DDX46: variants seen among roughly 807,000 people sequenced by gnomAD.
DDX46 encodes probable ATP-dependent RNA helicase DDX46.
In DDX46, 30 loss-of-function variants were observed where a neutral mutation model predicts 134.9. The observed-to-expected ratio is 0.22, with a 90% CI of 0.17 to 0.30. DDX46 has a LOEUF of 0.30. Ranked by LOEUF, DDX46 falls within the 10% of genes least tolerant of loss-of-function variation. DDX46 has a pLI of 1.00. For missense variants in DDX46, 622 were observed against 1,248.7 expected (o/e 0.50, Z 7.56); for synonymous variants, 415 against 404.1 (o/e 1.03, Z -0.32).
chr5:134,787,085 G>A (rs1754361204), intron 11 of DDX46, among the ~76,000 whole-genome samples: 1 of 151,912 alleles, frequency 6.6e-6, no homozygotes, highest in African/African-American at 2.4e-5. Flanking sequence ...ACCACACCCG[G>A]CTAGTTTTTG....
Position 134,767,001 on chromosome 5 carries a change from C to G in DDX46, c.291C>G (p.Ser97Arg). The G allele has an allele frequency of 6.2e-7, 1 of 1,614,060 alleles. No homozygotes were observed. Among genetic ancestry groups the G allele is most frequent in the Non-Finnish European group, 8.5e-7 (1 of 1,179,990 alleles). Residue 97 changes from serine (S) to arginine (R), a missense_variant, in exon 3 of 23, where the codon AGC (serine) becomes AGG (arginine). Ser to Arg is a moderately radical substitution (Grantham distance 110, BLOSUM62 -1). Coordinates refer to ENST00000452510, the MANE Select transcript of DDX46 (RefSeq NM_001300860.2). ...SRDRRRSRSR[S>R]RGRRSRSSSP... is the part of the protein sequence containing the mutation. Reference sequence around the variant, plus strand: ...ACAGGAGACGCTCAAGGAGTAGAAGCCGGGGCCGGCGATCCCGATCCTCCA... The same window carrying G: ...ACAGGAGACGCTCAAGGAGTAGAAGGCGGGGCCGGCGATCCCGATCCTCCA...
rs1239991008 is a variant in DDX46, at chr5:134,795,845, A to G, written c.1792-143A>G. 11 of 787,092 alleles carry G rather than the reference A, an allele frequency of 1.4e-5. 1 individual carries two copies. The highest frequency in any genetic ancestry group is 1.9e-5 in the Non-Finnish European group (10 of 516,212). The allele number at this position is 787,092 out of a possible 1,614,324, so 48.8% of individuals were successfully genotyped here. A position where few individuals can be genotyped will look rare whatever the true frequency, so the allele number is the denominator to read the frequency against. The stretch of plus-strand genomic sequence containing the variant: ...AAGTTTACAATTTTTATCATTTACA[A>G]TTAAAATCAACATCTTCCTAGCCCT... On this transcript the variant is annotated intron_variant, in intron 14 of 22. Transcript: ENST00000452510.
At chr5:134,783,338 C>T (rs972941791) in intron 9 of DDX46, among the ~76,000 whole-genome samples, 1 of 150,538 alleles carries the variant, frequency 6.6e-6, no homozygotes, top group Admixed American at 6.6e-5. Flanking sequence ...ACTGTGACCT[C>T]GGCCTCCCGG....
chr5:134,809,649 A>G (rs181101533), intron 16 of DDX46, among the ~76,000 whole-genome samples: 74 of 152,038 alleles, frequency 4.9e-4, no homozygotes, highest in African/African-American at 1.4e-3. Flanking sequence ...TACTGGGATT[A>G]CAGGCATGAG....
intron 15 of DDX46, among the ~76,000 whole-genome samples, chr5:134,796,564 A>C (rs899938716): frequency 2.6e-5 from 4 of 152,230 alleles, no homozygotes; most frequent in African/African-American, 9.6e-5. Context: ...CTAGAACACA[A>C]AACACAGACC....
chr5:134,823,360 C>G (rs745643488), intron 21 of DDX46, among the ~76,000 whole-genome samples: 2 of 151,674 alleles, frequency 1.3e-5, no homozygotes, highest in Admixed American at 1.3e-4. Flanking sequence ...AGGATGGTCT[C>G]GATCTCCTGA....
intron 1 of DDX46, among the ~76,000 whole-genome samples, chr5:134,759,619 T>C (rs1035310567): frequency 1.3e-5 from 2 of 152,196 alleles, no homozygotes; most frequent in African/African-American, 4.8e-5. Context: ...AACCTTGAGA[T>C]TTTTATGTTA....
At chr5:134,766,323 T>C (rs1455211230) in intron 2 of DDX46, among the ~76,000 whole-genome samples, 1 of 152,126 alleles carries the variant, frequency 6.6e-6, no homozygotes, top group Admixed American at 6.6e-5. Flanking sequence ...TTTGGGAGGC[T>C]GAGGCAGGCA....
Position 134,828,700 on chromosome 5 carries a change from CT to C in DDX46, c.3095del (p.Leu1032TyrfsTer30). 1 of 1,511,278 alleles carries C rather than the reference CT, an allele frequency of 6.6e-7. No homozygotes were observed. Among genetic ancestry groups the C allele is most frequent in the Non-Finnish European group, 8.8e-7 (1 of 1,134,420 alleles). 93.6% of individuals were successfully genotyped at this position (1,511,278 alleles called of 1,614,324 possible). ...QPTNKGRYKVL is the reference protein window; with the variant it reads ...QPTNKGRYKVX Reference sequence around the variant, plus strand: ...CAACAAATAAAGGAAGATACAAAGTCTTATAGACATCCGGAAAAAAGATTTT... The same window carrying C: ...CAACAAATAAAGGAAGATACAAAGTCTATAGACATCCGGAAAAAAGATTTT... On this transcript the variant is annotated frameshift_variant, in exon 23 of 23. Transcript: ENST00000452510. LOFTEE classifies it high-confidence loss of function.
At chr5:134,800,593 G>A (rs1045360604) in intron 15 of DDX46, among the ~76,000 whole-genome samples, 1 of 152,044 alleles carries the variant, frequency 6.6e-6, no homozygotes, top group African/African-American at 2.4e-5. Flanking sequence ...CTCCCTCATC[G>A]TGTCCCTATA....
At chr5:134,770,384 G>C (rs1275370217) in intron 3 of DDX46, among the ~76,000 whole-genome samples, 3 of 151,872 alleles carry the variant, frequency 2.0e-5, no homozygotes, top group African/African-American at 7.3e-5. Context: ...CTAATTCTTA[G>C]TATATTTTGG....
chr5:134,777,881 A>G (rs1753996649), intron 6 of DDX46, 156 bp downstream of exon 6: 4 of 787,862 alleles, frequency 5.1e-6, no homozygotes, highest in African/African-American at 3.6e-5. Context: ...TACCAGAGAT[A>G]CTGGTAAATT....
chr5:134,819,420 A>G (rs1300437960), intron 21 of DDX46, among the ~76,000 whole-genome samples: 1 of 152,216 alleles, frequency 6.6e-6, no homozygotes, highest in Admixed American at 6.5e-5. Flanking sequence ...CAAAATAAGA[A>G]GTAGACAATG....
intron 20 of DDX46, 105 bp downstream of exon 20, chr5:134,817,819 C>G (rs1294561984): frequency 3.3e-6 from 3 of 899,022 alleles, no homozygotes; most frequent in African/African-American, 3.4e-5. Context: ...CTCCTTCACT[C>G]TTTACCTAAA....
At chr5:134,776,871 G>A (rs1017555947) in intron 5 of DDX46, among the ~76,000 whole-genome samples, 4 of 147,184 alleles carry the variant, frequency 2.7e-5, no homozygotes, top group East Asian at 4.0e-4. Flanking sequence ...CTGAGATCGC[G>A]ACACTGCACT....
chr5:134,811,466 C>A (rs1755139819), intron 17 of DDX46, 108 bp downstream of exon 17: 1 of 1,412,500 alleles, frequency 7.1e-7, no homozygotes, highest in Non-Finnish European at 9.5e-7. Flanking sequence ...TTTGCTACGA[C>A]TATTTTTATT....
At chr5:134,770,800 G>C (rs1402327189) in intron 3 of DDX46, 103 bp from the exon 4 acceptor site, 40 of 978,538 alleles carry the variant, frequency 4.1e-5, no homozygotes, top group Admixed American at 6.8e-5. Context: ...CTGGGCGACA[G>C]AGTGAGACAC....
intron 18 of DDX46, among the ~76,000 whole-genome samples, 184 bp downstream of exon 18, chr5:134,812,029 T>TCATTAG (rs1755159813): frequency 6.7e-6 from 1 of 148,222 alleles, no homozygotes; most frequent in South Asian, 2.2e-4. Context: ...TATAGACCAC[T>TCATTAG]CATTAGCACT....
In DDX46 at chr5:134,807,729, C is replaced by G. The variant is rs747361162; in HGVS notation, c.1955-19C>G. ...AATTTAATTTGAACATGTTTTAAAGCTCTCTAATTTACTTGCAGGCATTGA... is the reference window on the plus strand; with the variant it reads ...AATTTAATTTGAACATGTTTTAAAGGTCTCTAATTTACTTGCAGGCATTGA... On this transcript the variant is annotated intron_variant, in intron 15 of 22. Transcript: ENST00000452510. 6.3e-7 allele frequency: 1 copy of G among 1,592,362 alleles called. No homozygotes were observed. Among genetic ancestry groups the G allele is most frequent in the South Asian group, 1.1e-5 (1 of 87,864 alleles).
Sources: allele counts gnomAD v4.1 joint callset (sites outside exome capture counted in the v4.1 genomes callset), GRCh38; gene constraint gnomAD v4.1.1; transcripts MANE v1.5; gene names NCBI Gene and HGNC (gene_info 2026-07-23, HGNC 2026-07-21).